The following CDKAL1 variants were observed in gnomAD, a reference collection of about 807,000 sequenced individuals.
CDKAL1 encodes the protein CDKAL1 threonylcarbamoyladenosine tRNA methylthiotransferase, also known as threonylcarbamoyladenosine tRNA methylthiotransferase.
CDKAL1 carries 32 observed loss-of-function variants against 68.2 expected under a neutral mutation model. That is an observed-to-expected ratio of 0.47 (90% confidence interval 0.35 to 0.63). The LOEUF (loss-of-function observed/expected upper bound fraction) is 0.63. Ranked by LOEUF, CDKAL1 falls within the 30% of genes least tolerant of loss-of-function variation. The pLI is 0.00. For synonymous variants in CDKAL1, 234 were observed against 244.3 expected (o/e 0.96, Z 0.39); for missense variants, 606 against 696.7 (o/e 0.87, Z 1.47).
At chr6:20,866,010 A>T (rs1266538265) in intron 9 of CDKAL1, among the ~76,000 whole-genome samples, 1 of 152,196 alleles carries the variant, frequency 6.6e-6, no homozygotes, top group African/African-American at 2.4e-5. Context: ...GCCTGATTTT[A>T]ATTTTAGGCA....
chr6:21,123,165 G>T (rs1774814841), intron 13 of CDKAL1, among the ~76,000 whole-genome samples: 1 of 152,050 alleles, frequency 6.6e-6, no homozygotes, highest in African/African-American at 2.4e-5. Flanking sequence ...TTAAAACTCT[G>T]AACAGTGGCT....
intron 4 of CDKAL1, among the ~76,000 whole-genome samples, chr6:20,609,085 T>C (rs891478436): frequency 1.3e-5 from 2 of 152,194 alleles, no homozygotes; most frequent in Admixed American, 6.5e-5. Context: ...ACTGCACATA[T>C]GGGAATATAG....
rs571245716 is a variant in CDKAL1 at position 21,172,088 on chromosome 6, A to G, written c.1300-25933A>G. ...AGATTTTCACATATTTTAAGGGAACATGGACAGTCCTCCCCCTAAAGCCAG... is the reference window on the plus strand; with the variant it reads ...AGATTTTCACATATTTTAAGGGAACGTGGACAGTCCTCCCCCTAAAGCCAG... On this transcript the variant is annotated intron_variant, in intron 13 of 15. Transcript: ENST00000274695. Among the ~76,000 whole-genome samples the G allele has an allele frequency of 6.0e-4, 92 of 152,290 alleles. 1 individual carries two copies. Among genetic ancestry groups the G allele is most frequent in the African/African-American group, 2.1e-3 (89 of 41,566 alleles).
At chr6:20,673,124 G>A (rs1223992532) in intron 5 of CDKAL1, among the ~76,000 whole-genome samples, 1 of 152,126 alleles carries the variant, frequency 6.6e-6, no homozygotes, top group African/African-American at 2.4e-5. Context: ...GATAGTTTTA[G>A]GAGGTGAAGT....
chr6:20,620,966 C>G (rs191910478), intron 4 of CDKAL1, among the ~76,000 whole-genome samples: 46 of 152,090 alleles, frequency 3.0e-4, no homozygotes, highest in African/African-American at 1.1e-3. Context: ...TTCCAGGATG[C>G]CATCCAGGAC....
chr6:20,666,275 T>C (rs76891143), intron 5 of CDKAL1, among the ~76,000 whole-genome samples: 1 of 56,616 alleles, frequency 1.8e-5, no homozygotes, highest in Non-Finnish European at 3.2e-5. Flanking sequence ...GCCCACTAGA[T>C]TTTTTTTTTT....
At chr6:20,957,984 A>G (rs1764866489) in intron 10 of CDKAL1, among the ~76,000 whole-genome samples, 1 of 147,308 alleles carries the variant, frequency 6.8e-6, no homozygotes, top group Admixed American at 6.7e-5. Context: ...AAAAAAAAAA[A>G]AAAAAGGAAG....
chr6:20,701,851 T>C (rs1771377066), intron 5 of CDKAL1, among the ~76,000 whole-genome samples: 1 of 152,152 alleles, frequency 6.6e-6, no homozygotes, highest in African/African-American at 2.4e-5. Context: ...TTGTTTTTAG[T>C]AGAAATCAGC....
intron 13 of CDKAL1, among the ~76,000 whole-genome samples, chr6:21,167,227 A>C (rs1366100744): frequency 6.6e-6 from 1 of 152,156 alleles, no homozygotes. Flanking sequence ...CCCGTGAGAA[A>C]GAGTTTGAGT....
intron 7 of CDKAL1, among the ~76,000 whole-genome samples, chr6:20,761,824 A>G (rs746892716): frequency 6.6e-6 from 1 of 152,186 alleles, no homozygotes; most frequent in Non-Finnish European, 1.5e-5. Flanking sequence ...TCTATTCTGT[A>G]TGATGCTGTA....
chr6:21,194,191 T>G lies in CDKAL1; in HGVS notation c.1300-3830T>G, dbSNP rs1033577635. Among the ~76,000 whole-genome samples, 13 of 152,236 alleles carry G rather than the reference T, an allele frequency of 8.5e-5. No homozygotes were observed. In the East Asian group the frequency reaches 2.3e-3, roughly 27 times the overall value. On this transcript the variant is annotated intron_variant, in intron 13 of 15. Coordinates refer to ENST00000274695, the MANE Select transcript of CDKAL1 (RefSeq NM_017774.3). ...ACACTGCCTCCCAACACTGTTACATTGTCAATTAAATTTCAACATGAGTTT... is the reference window on the plus strand; with the variant it reads ...ACACTGCCTCCCAACACTGTTACATGGTCAATTAAATTTCAACATGAGTTT...
At chr6:20,983,440 G>A (rs1766265562) in intron 10 of CDKAL1, among the ~76,000 whole-genome samples, 1 of 152,070 alleles carries the variant, frequency 6.6e-6, no homozygotes. Flanking sequence ...TACAATATAG[G>A]CCGGGTGCAG....
intron 9 of CDKAL1, among the ~76,000 whole-genome samples, chr6:20,913,302 G>A (rs1762559293): frequency 6.6e-6 from 1 of 152,114 alleles, no homozygotes; most frequent in Non-Finnish European, 1.5e-5. Context: ...CATGGGGCAG[G>A]ATCTGCTTCC....
intron 8 of CDKAL1, among the ~76,000 whole-genome samples, chr6:20,807,842 G>GC (rs1385461298): frequency 6.6e-6 from 1 of 152,148 alleles, no homozygotes; most frequent in African/African-American, 2.4e-5. Flanking sequence ...TCAAACTACA[G>GC]CAACAGTTTT....
chr6:21,063,493 G>A (rs1428880392), intron 11 of CDKAL1, among the ~76,000 whole-genome samples: 3 of 152,156 alleles, frequency 2.0e-5, no homozygotes, highest in Non-Finnish European at 4.4e-5. Flanking sequence ...TTAATGCTTT[G>A]CTCTTAAATG....
chr6:20,946,806 A>G (rs1764260695), intron 9 of CDKAL1, among the ~76,000 whole-genome samples: 1 of 152,084 alleles, frequency 6.6e-6, no homozygotes, highest in African/African-American at 2.4e-5. Flanking sequence ...CATGTTGGTC[A>G]GGCTGGTCTC....
intron 4 of CDKAL1, among the ~76,000 whole-genome samples, chr6:20,562,808 C>T (rs1360461610): frequency 1.3e-5 from 2 of 151,932 alleles, no homozygotes; most frequent in East Asian, 1.9e-4. Context: ...TACTTAGAGA[C>T]AGCTAAGTTT....
At chr6:20,720,895 G>A (rs1772319586) in intron 5 of CDKAL1, among the ~76,000 whole-genome samples, 1 of 152,140 alleles carries the variant, frequency 6.6e-6, no homozygotes, top group African/African-American at 2.4e-5. Flanking sequence ...TTTCACTTGA[G>A]ATAATGACCT....
intron 9 of CDKAL1, among the ~76,000 whole-genome samples, chr6:20,950,723 C>G (rs973664745): frequency 6.6e-6 from 1 of 151,748 alleles, no homozygotes; most frequent in Non-Finnish European, 1.5e-5. Context: ...CCCAGCACTT[C>G]GGGAGGCTGA....
Sources: gnomAD v4.1 joint callset for allele counts (sites outside exome capture counted in the v4.1 genomes callset) on GRCh38, gnomAD v4.1.1 for gene constraint, MANE v1.5 for transcripts, NCBI Gene and HGNC (gene_info 2026-07-23, HGNC 2026-07-21) for gene names.